FRY: variants seen among roughly 807,000 people sequenced by gnomAD.
The protein encoded by FRY is protein furry homolog.
Under a neutral mutation model 348.4 loss-of-function variants are expected in FRY, and 128 were observed. The ratio of observed to expected loss-of-function variants is 0.37; its 90% CI spans 0.32 to 0.43. FRY has a LOEUF of 0.43. Among genes scored for constraint, FRY ranks in the 20% least tolerant of loss-of-function variants. FRY has a pLI of 1.00. For missense variants in FRY, 2,736 were observed against 3,695.2 expected, an observed-to-expected ratio of 0.74 and a Z score of 6.73; for synonymous variants, 1,370 against 1,374.7, an observed-to-expected ratio of 1.00 and a Z score of 0.08.
At chr13:32,163,943 G>A (rs1158888406) in intron 17 of FRY, among the ~76,000 whole-genome samples, 1 of 152,070 alleles carries the variant, frequency 6.6e-6, no homozygotes, top group African/African-American at 2.4e-5. Flanking sequence ...GAGAGTCTAA[G>A]TCTTAGGGAG....
rs542871497 is a variant in FRY, at chr13:32,258,795, C to G, written c.7417-2821C>G. ...AAGGGGGTACTAATAATATTTATAC[C>G]CAAACCACAGGCATTAAAACCGGGA... On this transcript the variant is annotated intron_variant, in intron 51 of 60. Coordinates refer to ENST00000542859, the MANE Select transcript of FRY (RefSeq NM_023037.3). 3.9e-4 allele frequency among the ~76,000 whole-genome samples: 59 copies of G among 150,614 alleles called. 1 individual carries two copies. The highest frequency in any genetic ancestry group is 1.5e-3 in the African/African-American group (59 of 40,182).
intron 42 of FRY, among the ~76,000 whole-genome samples, chr13:32,235,258 T>C (rs1034809162): frequency 6.6e-6 from 1 of 152,130 alleles, no homozygotes; most frequent in East Asian, 1.9e-4. Flanking sequence ...AGCCCAGAGA[T>C]TGGGAAGCTG....
intron 55 of FRY, among the ~76,000 whole-genome samples, chr13:32,274,511 T>G (rs111745466): frequency 1.3e-5 from 2 of 151,576 alleles, no homozygotes. Flanking sequence ...GAGACCATCC[T>G]GGCTAACACA....
At chr13:32,053,544 C>T (rs941246182) in intron 1 of FRY, among the ~76,000 whole-genome samples, 2 of 152,176 alleles carry the variant, frequency 1.3e-5, no homozygotes, top group African/African-American at 4.8e-5. Flanking sequence ...GTTAGTTTTC[C>T]AAGGTCCCAC....
Position 32,289,758 on chromosome 13 carries a change from T to C in FRY, c.8580+15T>C. 1 of 1,364,290 alleles carries C rather than the reference T, an allele frequency of 7.3e-7. No individual in the cohort carries two copies. The highest frequency in any genetic ancestry group is 1.1e-6 in the Non-Finnish European group (1 of 951,744). The allele number at this position is 1,364,290 out of a possible 1,614,324, so 84.5% of individuals were successfully genotyped here. On this transcript the variant is annotated intron_variant, in intron 59 of 60. Coordinates refer to ENST00000542859, the MANE Select transcript of FRY (RefSeq NM_023037.3). ...CCATGCCAGAGGTGAGTCCACACGCTTCCCAACCCCACGTCCCACCACAAA... is the reference window on the plus strand; with the variant it reads ...CCATGCCAGAGGTGAGTCCACACGCCTCCCAACCCCACGTCCCACCACAAA...
chr13:32,172,346 G>T (rs763341393), intron 18 of FRY, among the ~76,000 whole-genome samples: 5 of 152,160 alleles, frequency 3.3e-5, no homozygotes, highest in Non-Finnish European at 5.9e-5. Context: ...TGTAGATATG[G>T]ATGTACATAT....
At chr13:32,141,708 G>A (rs371365002) in intron 11 of FRY, among the ~76,000 whole-genome samples, 15 of 152,288 alleles carry the variant, frequency 9.8e-5, no homozygotes, top group African/African-American at 3.6e-4. Flanking sequence ...TGCATCACCA[G>A]CCAAGTTATC....
intron 29 of FRY, among the ~76,000 whole-genome samples, chr13:32,195,918 A>G (rs1018100766): frequency 1.3e-5 from 2 of 152,200 alleles, no homozygotes; most frequent in African/African-American, 4.8e-5. Flanking sequence ...CATTTCTGCC[A>G]TTTCTCAACA....
chr13:32,044,347 T>C (rs1872905453), intron 1 of FRY, among the ~76,000 whole-genome samples: 1 of 152,168 alleles, frequency 6.6e-6, no homozygotes, highest in African/African-American at 2.4e-5. Flanking sequence ...ACTTTCCCTA[T>C]TTACAGCCTC....
chr13:32,257,897 A>T, intron 51 of FRY: 1 of 1,336,204 alleles, frequency 7.5e-7, no homozygotes, highest in Non-Finnish European at 1.1e-6. Context: ...GTTCTTGAGT[A>T]TCTTTAATAT....
intron 29 of FRY, 112 bp from the exon 30 acceptor site, chr13:32,201,829 T>A (rs1884046488): frequency 2.7e-6 from 2 of 736,334 alleles, no homozygotes. Flanking sequence ...GGTAAGAATG[T>A]CACTAATAAG....
At chr13:32,278,715 T>G in intron 58 of FRY, 167 bp downstream of exon 58, 1 of 732,040 alleles carries the variant, frequency 1.4e-6, no homozygotes, top group East Asian at 2.6e-5. Flanking sequence ...AGCATGACTG[T>G]GTGTTGATGG....
chr13:32,292,668 C>T (rs894652319), intron 59 of FRY, among the ~76,000 whole-genome samples: 3 of 151,782 alleles, frequency 2.0e-5, no homozygotes, highest in Admixed American at 6.6e-5. Context: ...AGCCCGTGCC[C>T]GTAATCCCAG....
chr13:32,045,051 A>G (rs1242041515), intron 1 of FRY, among the ~76,000 whole-genome samples: 2 of 152,172 alleles, frequency 1.3e-5, no homozygotes, highest in African/African-American at 4.8e-5. Flanking sequence ...CCCTAAGGCC[A>G]ATTTTCACTA....
At chr13:32,147,166 G>A (rs1880509070) in intron 11 of FRY, 116 bp from the exon 12 acceptor site, 4 of 691,780 alleles carry the variant, frequency 5.8e-6, no homozygotes, top group Non-Finnish European at 1.1e-5. Flanking sequence ...TGTCTCATAA[G>A]TACCCAGCCA....
chr13:32,136,716 C>T (rs530325419), intron 10 of FRY, among the ~76,000 whole-genome samples, 155 bp from the exon 11 acceptor site: 1 of 152,320 alleles, frequency 6.6e-6, no homozygotes, highest in Admixed American at 6.5e-5. Flanking sequence ...GCGCCAGTGC[C>T]CTGCATCCAC....
At chr13:32,258,612 C>CA (rs11327896) in intron 51 of FRY, among the ~76,000 whole-genome samples, 1,969 of 144,034 alleles carry the variant, frequency 0.014, 41 homozygotes, top group African/African-American at 0.047. Context: ...GACTCTGTCT[C>CA]AAAAAAAAAA....
At chr13:32,146,804 A>G (rs1483009083) in intron 11 of FRY, among the ~76,000 whole-genome samples, 1 of 152,202 alleles carries the variant, frequency 6.6e-6, no homozygotes, top group Non-Finnish European at 1.5e-5. Flanking sequence ...TTATCTCTGC[A>G]TCTCAGGTTC....
intron 51 of FRY, among the ~76,000 whole-genome samples, chr13:32,258,695 G>A (rs1026935331): frequency 5.3e-5 from 8 of 150,184 alleles, no homozygotes; most frequent in Non-Finnish European, 1.2e-4. Context: ...TTTCCCCCAG[G>A]AATTAAAGGC....
Sources: gnomAD v4.1 joint callset for allele counts (sites outside exome capture counted in the v4.1 genomes callset) on GRCh38, gnomAD v4.1.1 for gene constraint, MANE v1.5 for transcripts, NCBI Gene and HGNC (gene_info 2026-07-23, HGNC 2026-07-21) for gene names.